TECR: variants seen among roughly 807,000 people sequenced by gnomAD.
TECR encodes the protein very-long-chain enoyl-CoA reductase.
In TECR, 19 loss-of-function variants were observed where a neutral mutation model predicts 50.6. The observed-to-expected ratio is 0.38, with a 90% confidence interval of 0.26 to 0.55. TECR has a LOEUF of 0.55. Among genes scored for constraint, TECR ranks in the 20% least tolerant of loss-of-function variants. The pLI is 0.79. For missense variants in TECR, 313 were observed against 408.3 expected (o/e 0.77, Z 2.01); for synonymous variants, 168 against 163.5 (o/e 1.03, Z -0.21).
intron 1 of TECR, among the ~76,000 whole-genome samples, chr19:14,534,340 G>T (rs1235447540): frequency 1.3e-5 from 2 of 149,394 alleles, no homozygotes; most frequent in Admixed American, 6.7e-5. Flanking sequence ...TAGCCAGGAT[G>T]GTCTCGATCT....
intron 1 of TECR, among the ~76,000 whole-genome samples, chr19:14,534,384 A>G (rs1485233639): frequency 7.9e-6 from 1 of 126,000 alleles, no homozygotes; most frequent in Non-Finnish European, 1.6e-5. Context: ...TCGGCCTCCC[A>G]GGGTGCTGGG....
intron 1 of TECR, among the ~76,000 whole-genome samples, chr19:14,542,360 T>TTTTTTTTTG (rs2073130557): frequency 7.8e-6 from 1 of 128,426 alleles, no homozygotes; most frequent in African/African-American, 3.0e-5. Flanking sequence ...TTTTTTTTTT[T>TTTTTTTTTG]TTTTTTTTTT....
intron 1 of TECR, among the ~76,000 whole-genome samples, chr19:14,543,685 G>A (rs1356976591): frequency 6.7e-6 from 1 of 149,570 alleles, no homozygotes; most frequent in Non-Finnish European, 1.5e-5. Flanking sequence ...TGATCCTCCC[G>A]CCTCGGCCTC....
At chr19:14,551,967 CTCTCTT>C (rs2073536075) in intron 1 of TECR, among the ~76,000 whole-genome samples, 2 of 117,942 alleles carry the variant, frequency 1.7e-5, no homozygotes, top group African/African-American at 6.1e-5. Context: ...CTCTCTCTCT[CTCTCTT>C]TCTCTCTTTT....
At chr19:14,535,749 T>A (rs1374622223) in intron 1 of TECR, among the ~76,000 whole-genome samples, 2 of 80,884 alleles carry the variant, frequency 2.5e-5, no homozygotes, top group Non-Finnish European at 5.1e-5. Flanking sequence ...AGAGTGAGAC[T>A]CTGTCTCAAA....
intron 1 of TECR, among the ~76,000 whole-genome samples, chr19:14,556,760 G>T (rs2073740833): frequency 6.6e-6 from 1 of 152,180 alleles, no homozygotes; most frequent in Non-Finnish European, 1.5e-5. Flanking sequence ...ATCGGCTTTG[G>T]GACTGTTCCT....
chr19:14,544,362 T>C (rs1183311283), intron 1 of TECR, among the ~76,000 whole-genome samples: 1 of 151,930 alleles, frequency 6.6e-6, no homozygotes, highest in East Asian at 1.9e-4. Flanking sequence ...AACGAGTATG[T>C]GTATGTTTGA....
chr19:14,553,130 G>A (rs1049769741), intron 1 of TECR, among the ~76,000 whole-genome samples: 4 of 152,090 alleles, frequency 2.6e-5, no homozygotes, highest in Admixed American at 2.0e-4. Context: ...GTGGCTGCTC[G>A]CCCAAGCCAG....
chr19:14,559,508 C>T (rs941379178), intron 1 of TECR, among the ~76,000 whole-genome samples: 27 of 151,848 alleles, frequency 1.8e-4, no homozygotes, highest in African/African-American at 6.6e-4. Flanking sequence ...TAATTATAGG[C>T]CGGGCCAGGT....
rs62125087 is a variant in TECR at position 14,541,586 on chromosome 19, A to G, written c.15+11875A>G. Among the ~76,000 whole-genome samples, 1,007 of 152,204 alleles carry G rather than the reference A, an allele frequency of 6.6e-3. 10 individuals are homozygous for G. Among genetic ancestry groups the G allele is most frequent in the Non-Finnish European group, 0.01 (712 of 68,010 alleles). Reference sequence around the variant, plus strand: ...TGAACGAACCACATTCTCTGTCCTCAAGATCTTTTCATTTAAGCCAAGGCC... The same window carrying G: ...TGAACGAACCACATTCTCTGTCCTCGAGATCTTTTCATTTAAGCCAAGGCC... On this transcript the variant is annotated intron_variant, in intron 1 of 12. Coordinates refer to ENST00000215567, the MANE Select transcript of TECR (RefSeq NM_138501.6).
At chr19:14,529,302 G>T (rs149311488), upstream of TECR, 228 of 389,936 alleles carry the variant, frequency 5.8e-4, 1 homozygote, top group South Asian at 1.1e-3. Flanking sequence ...TGGCCTAACC[G>T]TCGCTTACCT....
intron 1 of TECR, among the ~76,000 whole-genome samples, chr19:14,559,223 T>C (rs759105474): frequency 6.6e-6 from 1 of 152,170 alleles, no homozygotes; most frequent in Non-Finnish European, 1.5e-5. Flanking sequence ...CATTTAAAAG[T>C]GAACAGTGGC....
In TECR at chr19:14,564,982, C is replaced by T; in HGVS notation, c.596C>T (p.Ala199Val). The T allele has an allele frequency of 6.2e-7, 1 of 1,614,048 alleles. No individual in the cohort carries two copies. The highest frequency in any genetic ancestry group is 8.5e-7 in the Non-Finnish European group (1 of 1,180,034). The change falls in exon 9 of 13, where the codon GCC becomes GTC. Residue 199 changes from alanine (A) to valine (V), a missense_variant. Coordinates refer to ENST00000215567, the MANE Select transcript of TECR (RefSeq NM_138501.6). ...YGAQQVKLALAIFVICQLGNF... is the reference protein window; with the variant it reads ...YGAQQVKLALVIFVICQLGNF... The stretch of plus-strand genomic sequence containing the variant: ...GCTCAGCAGGTGAAACTGGCGCTCG[C>T]CATCTTTGTGGTAAGGAGGCTGGGT...
intron 1 of TECR, among the ~76,000 whole-genome samples, chr19:14,539,539 T>G (rs2073024991): frequency 6.6e-6 from 1 of 152,216 alleles, no homozygotes; most frequent in East Asian, 1.9e-4. Context: ...GAAGGCCTTT[T>G]TGCCTGTAAG....
intron 11 of TECR, 138 bp downstream of exon 11, chr19:14,565,428 C>T (rs2074048923): frequency 2.2e-6 from 3 of 1,368,568 alleles, no homozygotes; most frequent in African/African-American, 2.9e-5. Context: ...AGACCGCGGC[C>T]TCTCTGCTGT....
At chr19:14,530,080 G>C (rs938744273) in intron 1 of TECR, 1 of 367,306 alleles carries the variant, frequency 2.7e-6, no homozygotes, top group Non-Finnish European at 5.2e-6. Context: ...CAAATCTTGC[G>C]CCACGCCGCC....
In TECR at chr19:14,565,725, C is replaced by A; in HGVS notation, c.800-19C>A. On this transcript the variant is annotated intron_variant, in intron 12 of 12. Coordinates refer to ENST00000215567, the MANE Select transcript of TECR (RefSeq NM_138501.6). ...CTCCGGGCCGGCAGCCCCTCCCTGA[C>A]GCCCGTTCTTTCCTGCAGTGGCCCT... 1 of 1,612,358 alleles carries A rather than the reference C, an allele frequency of 6.2e-7. No homozygotes were observed. The highest frequency in any genetic ancestry group is 8.5e-7 in the Non-Finnish European group (1 of 1,179,752).
At chr19:14,532,695 C>A (rs537002294) in intron 1 of TECR, among the ~76,000 whole-genome samples, 8 of 151,944 alleles carry the variant, frequency 5.3e-5, no homozygotes, top group Non-Finnish European at 1.0e-4. Context: ...CCCGGCCCAG[C>A]GGATTGCATA....
At chr19:14,556,737 C>T (rs370476235) in intron 1 of TECR, among the ~76,000 whole-genome samples, 5 of 152,344 alleles carry the variant, frequency 3.3e-5, no homozygotes, top group Admixed American at 2.0e-4. Context: ...CCAGAGCTGT[C>T]TCCGTCCCTG....
Sources: gnomAD v4.1 joint callset for allele counts (sites outside exome capture counted in the v4.1 genomes callset) on GRCh38, gnomAD v4.1.1 for gene constraint, MANE v1.5 for transcripts, NCBI Gene and HGNC (gene_info 2026-07-23, HGNC 2026-07-21) for gene names.